ARPC3: variants seen among roughly 807,000 people sequenced by gnomAD.
The protein encoded by ARPC3 is actin-related protein 2/3 complex subunit 3.
ARPC3 carries 12 observed loss-of-function variants against 27.6 expected under a neutral mutation model. The ratio of observed to expected loss-of-function variants is 0.43; its 90% confidence interval spans 0.28 to 0.70. ARPC3 has a LOEUF of 0.70. Among genes scored for constraint, ARPC3 ranks in the 30% least tolerant of loss-of-function variants. ARPC3 has a pLI of 0.17. For synonymous variants in ARPC3, 53 were observed against 67.2 expected (o/e 0.79, Z 1.03); for missense variants, 153 against 207.7 (o/e 0.74, Z 1.62).
At chr12:110,436,715 C>A in intron 4 of ARPC3, 32 bp from the exon 5 acceptor site, 1 of 381,412 alleles carries the variant, frequency 2.6e-6, no homozygotes, top group Non-Finnish European at 4.3e-6. Flanking sequence ...TATATATACA[C>A]ACACACACAC....
At chr12:110,440,810 T>C (rs2062432195) in intron 2 of ARPC3, among the ~76,000 whole-genome samples, 1 of 148,334 alleles carries the variant, frequency 6.7e-6, no homozygotes, top group Non-Finnish European at 1.5e-5. Flanking sequence ...CCTCCCAAAG[T>C]GCTGGGATTA....
intron 1 of ARPC3, among the ~76,000 whole-genome samples, chr12:110,449,698 T>C (rs1269313333): frequency 6.6e-6 from 1 of 152,026 alleles, no homozygotes; most frequent in Non-Finnish European, 1.5e-5. Context: ...AACCAGGCCG[T>C]CATAATTTTT....
chr12:110,437,682 T>C (rs535973592), intron 3 of ARPC3, among the ~76,000 whole-genome samples: 1 of 152,116 alleles, frequency 6.6e-6, no homozygotes, highest in South Asian at 2.1e-4. Context: ...GGCTGCTCTC[T>C]CTTGTTTTTC....
In ARPC3 at chr12:110,436,694, A is replaced by AAAATATATATATATATACACACAC; in HGVS notation, c.253-12_253-11insGTGTGTGTATATATATATATATTT. ...GCTTTTGGAATTGCACTGGAAAAAA[A>AAAATATATATATATATACACACAC]AATATATATATATATATACACACAC... On this transcript the variant is annotated splice_polypyrimidine_tract_variant and intron_variant, in intron 4 of 6. Coordinates refer to ENST00000228825, the MANE Select transcript of ARPC3 (RefSeq NM_001278556.2). 1.2e-6 allele frequency: 1 copy of AAAATATATATATATATACACACAC among 814,750 alleles called. No individual in the cohort carries two copies. The allele number at this position is 814,750 out of a possible 1,614,324, so 50.5% of individuals were successfully genotyped here. A position where few individuals can be genotyped will look rare whatever the true frequency, so the allele number is the denominator to read the frequency against.
chr12:110,437,660 G>A (rs1273527448), intron 3 of ARPC3, among the ~76,000 whole-genome samples: 1 of 151,928 alleles, frequency 6.6e-6, no homozygotes, highest in East Asian at 1.9e-4. Flanking sequence ...GAGCCACCAC[G>A]CTCGGCTGAG....
intron 2 of ARPC3, chr12:110,442,754 G>A (rs889413007): frequency 2.6e-5 from 4 of 151,936 alleles, no homozygotes; most frequent in African/African-American, 9.7e-5. Flanking sequence ...TTCTTTTTAT[G>A]AAAACTATGA....
chr12:110,445,082 C>T (rs550151811), intron 2 of ARPC3: 9 of 235,236 alleles, frequency 3.8e-5, no homozygotes, highest in Non-Finnish European at 4.2e-5. Context: ...TAGATTTAGA[C>T]GAGGAAGAGG....
Position 110,440,400 on chromosome 12 carries a change from A to C in ARPC3, c.107-12T>G. On this transcript the variant is annotated splice_polypyrimidine_tract_variant and intron_variant, in intron 2 of 6. Transcript: ENST00000228825. The stretch of plus-strand genomic sequence containing the variant: ...ATCTGTATCTTTTGCTAAGCAGGAC[A>C]CAAGGGAAGGAGCACAGAGAACATT... 6.3e-7 allele frequency: 1 copy of C among 1,588,624 alleles called. No homozygotes were observed. The highest frequency in any genetic ancestry group is 8.6e-7 in the Non-Finnish European group (1 of 1,156,804).
At chr12:110,441,797 G>A (rs554334006) in intron 2 of ARPC3, among the ~76,000 whole-genome samples, 11 of 152,014 alleles carry the variant, frequency 7.2e-5, no homozygotes, top group East Asian at 3.9e-4. Flanking sequence ...TTGGGAGGCC[G>A]AGACGGGTGG....
At chr12:110,436,889 T>C (rs1432102257) in intron 4 of ARPC3, 195 bp downstream of exon 4, 5 of 665,362 alleles carry the variant, frequency 7.5e-6, no homozygotes, top group Non-Finnish European at 1.3e-5. Flanking sequence ...ACACCACTAC[T>C]TTTATCTTTG....
Position 110,450,213 on chromosome 12 carries a change from G to C in ARPC3, c.6+42C>G, listed in dbSNP as rs1010619714. 6 of 1,613,042 alleles carry C rather than the reference G, an allele frequency of 3.7e-6. No homozygotes were observed. In the African/African-American group the frequency reaches 8.0e-5, roughly 22 times the overall value. On this transcript the variant is annotated intron_variant, in intron 1 of 6. Transcript: ENST00000228825. ...CACACACGGTTTCTCTCTGCTCTTC[G>C]CAATCCCCGCTGTCTCCCCACACCG... is the stretch of plus-strand genomic sequence containing the variant.
chr12:110,439,408 T>C (rs1198092064), intron 3 of ARPC3, among the ~76,000 whole-genome samples: 1 of 152,114 alleles, frequency 6.6e-6, no homozygotes, highest in Non-Finnish European at 1.5e-5. Flanking sequence ...AACCCACACA[T>C]GAGATATAGA....
At chr12:110,449,040 C>T (rs376020825) in intron 1 of ARPC3, among the ~76,000 whole-genome samples, 2 of 151,620 alleles carry the variant, frequency 1.3e-5, no homozygotes, top group African/African-American at 4.8e-5. Flanking sequence ...TCCCAAAGTG[C>T]TGGGATTACA....
chr12:110,447,221 T>G (rs975615279), intron 1 of ARPC3, among the ~76,000 whole-genome samples: 6 of 152,244 alleles, frequency 3.9e-5, no homozygotes, highest in Non-Finnish European at 8.8e-5. Flanking sequence ...AGAAGATATA[T>G]ATTCCCTTCA....
At chr12:110,436,437 C>A (rs2062404072) in intron 5 of ARPC3, 120 bp downstream of exon 5, 1 of 1,502,984 alleles carries the variant, frequency 6.7e-7, no homozygotes, top group East Asian at 2.3e-5. Flanking sequence ...AGATAATGTA[C>A]TTCCTATGAT....
At chr12:110,444,868 T>C (rs1282757419) in intron 2 of ARPC3, 1 of 157,406 alleles carries the variant, frequency 6.4e-6, no homozygotes, top group Non-Finnish European at 1.4e-5. Context: ...GGAAACCATG[T>C]CTAACATAAT....
At chr12:110,442,858 T>G (rs990695146) in intron 2 of ARPC3, 2 of 152,072 alleles carry the variant, frequency 1.3e-5, no homozygotes, top group Non-Finnish European at 2.9e-5. Flanking sequence ...ATGACACAAT[T>G]TGTTTGGCAA....
chr12:110,448,337 A>G (rs2062477333), intron 1 of ARPC3, among the ~76,000 whole-genome samples: 1 of 152,126 alleles, frequency 6.6e-6, no homozygotes, highest in Admixed American at 6.6e-5. Flanking sequence ...TAAAGTGTGT[A>G]CCCCAGAGCT....
chr12:110,436,767 A>G, intron 4 of ARPC3, 84 bp from the exon 5 acceptor site: 1 of 1,122,526 alleles, frequency 8.9e-7, no homozygotes, highest in Non-Finnish European at 1.3e-6. Context: ...TTTTACAGGG[A>G]AAAGAAGAAT....
Sources: allele counts gnomAD v4.1 joint callset (sites outside exome capture counted in the v4.1 genomes callset), GRCh38; gene constraint gnomAD v4.1.1; transcripts MANE v1.5; gene names NCBI Gene and HGNC (gene_info 2026-07-23, HGNC 2026-07-21).